The following FBXO4 variants were observed in gnomAD, a reference collection of about 807,000 sequenced individuals.
The protein encoded by FBXO4 is F-box protein 4, also known as F-box only protein 4.
FBXO4 carries 36 observed loss-of-function variants against 43.7 expected under a neutral mutation model. The observed-to-expected ratio is 0.82, with a 90% CI of 0.63 to 1.09. The LOEUF is 1.09. Among genes scored for constraint, FBXO4 ranks in the 50% least tolerant of loss-of-function variants. FBXO4 has a pLI of 0.00. For missense variants in FBXO4, 435 were observed against 474.1 expected, an observed-to-expected ratio of 0.92 and a Z score of 0.77; for synonymous variants, 180 against 165.6, an observed-to-expected ratio of 1.09 and a Z score of -0.67.
chr5:41,965,614 G>C, the FBXO4 span, among the ~76,000 whole-genome samples: 1 of 152,146 alleles, frequency 6.6e-6, no homozygotes, highest in Admixed American at 6.5e-5. Flanking sequence ...AAACCACAAT[G>C]AGATACCATC....
chr5:41,967,184 C>A, the FBXO4 span: 1 of 474,840 alleles, frequency 2.1e-6, no homozygotes, highest in South Asian at 1.8e-5. Flanking sequence ...ACTTTCCGTT[C>A]TTCAAGCCTC....
the FBXO4 span, among the ~76,000 whole-genome samples, chr5:42,020,263 C>A: frequency 5.9e-5 from 9 of 152,184 alleles, no homozygotes; most frequent in South Asian, 1.9e-3. Flanking sequence ...TTCATCCTTC[C>A]TATTAAGGAG....
the FBXO4 span, among the ~76,000 whole-genome samples, chr5:42,007,514 T>C: frequency 2.0e-5 from 3 of 152,136 alleles, no homozygotes; most frequent in Non-Finnish European, 4.4e-5. Context: ...ATATTATCCG[T>C]AGATAAGTGT....
At chr5:42,020,360 G>A in the FBXO4 span, among the ~76,000 whole-genome samples, 2 of 151,996 alleles carry the variant, frequency 1.3e-5, no homozygotes, top group Admixed American at 6.6e-5. Context: ...TGTTGACTGG[G>A]ATAAACATAA....
chr5:41,951,732 A>T, the FBXO4 span: 1 of 217,978 alleles, frequency 4.6e-6, no homozygotes, highest in South Asian at 7.2e-5. Flanking sequence ...TCCACATAGC[A>T]TGGAGGAAAA....
At chr5:42,029,737 A>T in the FBXO4 span, among the ~76,000 whole-genome samples, 3 of 151,976 alleles carry the variant, frequency 2.0e-5, no homozygotes, top group Admixed American at 1.3e-4. Flanking sequence ...CTGCTATTAA[A>T]TGACTCTGAT....
At chr5:42,032,651 C>T in the FBXO4 span, among the ~76,000 whole-genome samples, 1 of 152,284 alleles carries the variant, frequency 6.6e-6, no homozygotes, top group East Asian at 1.9e-4. Flanking sequence ...TGGCCCAGGG[C>T]AGGTCTAGAA....
chr5:42,028,851 C>T, the FBXO4 span, among the ~76,000 whole-genome samples: 2 of 151,748 alleles, frequency 1.3e-5, no homozygotes, highest in Admixed American at 1.3e-4. Context: ...TTGTCTCCCG[C>T]TTTTTACCTT....
chr5:41,998,675 G>A, the FBXO4 span, among the ~76,000 whole-genome samples: 3 of 152,278 alleles, frequency 2.0e-5, no homozygotes, highest in East Asian at 3.9e-4. Context: ...CTTAATATGA[G>A]AGGGGATGTT....
chr5:42,005,911 T>C, the FBXO4 span, among the ~76,000 whole-genome samples: 1 of 152,140 alleles, frequency 6.6e-6, no homozygotes, highest in Non-Finnish European at 1.5e-5. Flanking sequence ...TCAGTAACTT[T>C]TCAACCCCTT....
the FBXO4 span, among the ~76,000 whole-genome samples, chr5:41,989,585 T>A: frequency 6.4e-4 from 98 of 152,252 alleles, 1 homozygote; most frequent in East Asian, 0.015. Context: ...AATTAAACAG[T>A]TTGAAGATCA....
the FBXO4 span, among the ~76,000 whole-genome samples, chr5:41,965,097 C>T: frequency 6.6e-6 from 1 of 152,168 alleles, no homozygotes; most frequent in Non-Finnish European, 1.5e-5. Context: ...CAGCTTTCTA[C>T]ATATGGCTAG....
the FBXO4 span, among the ~76,000 whole-genome samples, chr5:41,956,333 GT>G: frequency 6.6e-6 from 1 of 152,208 alleles, no homozygotes; most frequent in African/African-American, 2.4e-5. Flanking sequence ...CACACTGGAT[GT>G]GATTAATGAC....
At chr5:42,029,793 CT>C in the FBXO4 span, among the ~76,000 whole-genome samples, 2 of 151,944 alleles carry the variant, frequency 1.3e-5, no homozygotes, top group African/African-American at 2.4e-5. Context: ...TCCAGAATTT[CT>C]GCTTGATTCT....
the FBXO4 span, among the ~76,000 whole-genome samples, chr5:41,955,375 A>G: frequency 6.6e-6 from 1 of 152,162 alleles, no homozygotes; most frequent in Non-Finnish European, 1.5e-5. Flanking sequence ...ATGAAGGGTA[A>G]ATTTGGAGGG....
chr5:42,028,650 G>A, the FBXO4 span, among the ~76,000 whole-genome samples: 10 of 151,232 alleles, frequency 6.6e-5, no homozygotes, highest in Non-Finnish European at 1.5e-4. Context: ...GTTTTTCTCT[G>A]GTGATATGAT....
the FBXO4 span, among the ~76,000 whole-genome samples, chr5:41,992,656 C>T: frequency 1.9e-4 from 29 of 152,144 alleles, no homozygotes; most frequent in African/African-American, 5.8e-4. Flanking sequence ...TTACAATGGC[C>T]GGTTATTTCA....
the FBXO4 span, among the ~76,000 whole-genome samples, chr5:42,017,086 G>A: frequency 5.3e-5 from 8 of 151,892 alleles, no homozygotes; most frequent in East Asian, 1.9e-4. Context: ...ATAGTATATC[G>A]TATATAGTAT....
At chr5:41,993,849 A>G in the FBXO4 span, among the ~76,000 whole-genome samples, 1 of 151,894 alleles carries the variant, frequency 6.6e-6, no homozygotes, top group East Asian at 1.9e-4. Flanking sequence ...AAGCCAGTCT[A>G]GTGTTTTGCA....
Sources: gnomAD v4.1 joint callset for allele counts (sites outside exome capture counted in the v4.1 genomes callset) on GRCh38, gnomAD v4.1.1 for gene constraint, MANE v1.5 for transcripts, NCBI Gene and HGNC (gene_info 2026-07-23, HGNC 2026-07-21) for gene names.